The following WDR89 variants were observed in gnomAD, a reference collection of about 807,000 sequenced individuals.
The protein encoded by WDR89 is WD repeat domain 89.
In WDR89, 17 loss-of-function variants were observed where a neutral mutation model predicts 29.1. The ratio of observed to expected loss-of-function variants is 0.58; its 90% confidence interval spans 0.40 to 0.88. The LOEUF (loss-of-function observed/expected upper bound fraction) is 0.88. WDR89 is among the 40% of genes least tolerant of loss of function. The probability of loss-of-function intolerance (pLI) is 0.00; values close to 1 mark genes in which losing one functional copy is unlikely to be tolerated. For missense variants in WDR89, 396 were observed against 456.3 expected (o/e 0.87, Z 1.20); for synonymous variants, 138 against 157.8 (o/e 0.87, Z 0.94).
intron 1 of WDR89, among the ~76,000 whole-genome samples, chr14:63,636,014 C>T (rs904290393): frequency 6.6e-6 from 1 of 152,104 alleles, no homozygotes; most frequent in Non-Finnish European, 1.5e-5. Flanking sequence ...CGAGACCAGC[C>T]TGGCCAACAT....
intron 1 of WDR89, chr14:63,630,811 T>A (rs2139566281): frequency 6.7e-6 from 1 of 149,186 alleles, no homozygotes; most frequent in East Asian, 2.0e-4. Context: ...TTTTTTTTTG[T>A]GAGACACAGT....
rs1894928260 is a variant in WDR89, at chr14:63,599,208, A to T, written c.735T>A (p.Asp245Glu). Residue 245 changes from aspartate (D) to glutamate (E), a missense_variant, in exon 3 of 3, where the codon GAT becomes GAA. Physicochemically the swap from Asp to Glu is conservative, Grantham distance 45. Transcript: ENST00000620954. Reference protein sequence around the residue: ...MTHDEGFYWWDLNHLDTDEPV... With the variant: ...MTHDEGFYWWELNHLDTDEPV... ...GTTCATCAGTGTCCAGATGATTAAG[A>T]TCCCACCAATAAAATCCTTCATCAT... is the stretch of plus-strand genomic sequence containing the variant. 1.4e-5 allele frequency: 23 copies of T among 1,605,966 alleles called. No individual in the cohort carries two copies. Among genetic ancestry groups the T allele is most frequent in the Non-Finnish European group, 2.0e-5 (23 of 1,174,722 alleles).
intron 2 of WDR89, among the ~76,000 whole-genome samples, chr14:63,613,253 A>G (rs1046688743): frequency 3.3e-5 from 5 of 152,246 alleles, no homozygotes; most frequent in Non-Finnish European, 5.9e-5. Context: ...CAGATCTGAA[A>G]CATGTAGTTT....
chr14:63,630,904 T>C (rs1020302220), intron 1 of WDR89: 2 of 151,922 alleles, frequency 1.3e-5, no homozygotes, highest in Non-Finnish European at 2.9e-5. Flanking sequence ...GCCTCCTGAG[T>C]ACCTGGGACT....
chr14:63,618,827 G>C (rs187057810), intron 2 of WDR89, among the ~76,000 whole-genome samples: 1 of 152,148 alleles, frequency 6.6e-6, no homozygotes, highest in Non-Finnish European at 1.5e-5. Context: ...CGGAGAAAAG[G>C]GGTCTCATAA....
chr14:63,627,592 T>C (rs1883153394), intron 1 of WDR89, among the ~76,000 whole-genome samples: 1 of 152,182 alleles, frequency 6.6e-6, no homozygotes, highest in African/African-American at 2.4e-5. Flanking sequence ...CCTGAACCTT[T>C]ATCAACCATT....
At chr14:63,639,443 GAA>G (rs567624916) in intron 1 of WDR89, among the ~76,000 whole-genome samples, 2 of 132,806 alleles carry the variant, frequency 1.5e-5, no homozygotes, top group African/African-American at 2.8e-5. Flanking sequence ...TTCACCAAAG[GAA>G]AAAAAAAAAA....
intron 2 of WDR89, among the ~76,000 whole-genome samples, chr14:63,619,627 A>G (rs563248604): frequency 6.6e-6 from 1 of 152,296 alleles, no homozygotes; most frequent in Non-Finnish European, 1.5e-5. Context: ...AGCACCCCTC[A>G]AAACAGAAGA....
chr14:63,602,977 C>T (rs1421694925), intron 2 of WDR89, among the ~76,000 whole-genome samples: 1 of 151,874 alleles, frequency 6.6e-6, no homozygotes, highest in Non-Finnish European at 1.5e-5. Flanking sequence ...AGGATGGTCT[C>T]GACCTCCTGA....
At chr14:63,620,385 G>A (rs1023844083) in intron 2 of WDR89, among the ~76,000 whole-genome samples, 5 of 152,022 alleles carry the variant, frequency 3.3e-5, no homozygotes, top group African/African-American at 1.2e-4. Context: ...ATATACAAAC[G>A]TACATATCTA....
At position 63,638,197 on chromosome 14, in the gene WDR89, G is replaced by A. The variant is rs1343173285; in HGVS notation, c.-138+3607C>T. Among the ~76,000 whole-genome samples the A allele has an allele frequency of 3.3e-5, 5 of 152,056 alleles. No homozygotes were observed. The East Asian group carries it at 5.8e-4, about 18-fold the overall frequency. On this transcript the variant is annotated intron_variant, in intron 1 of 2. Coordinates refer to ENST00000620954, the MANE Select transcript of WDR89 (RefSeq NM_080666.4). The stretch of plus-strand genomic sequence containing the variant: ...TGACCTCAGGTAATCCACCCGCCTC[G>A]GCCTCCCAAAGTGCTGGGATTACAG...
intron 1 of WDR89, among the ~76,000 whole-genome samples, chr14:63,635,218 TAA>T (rs559487485): frequency 6.6e-4 from 100 of 152,226 alleles, no homozygotes; most frequent in African/African-American, 2.3e-3. Flanking sequence ...ACATAAATGC[TAA>T]GATCCTTAAC....
At chr14:63,604,423 T>C (rs746224050) in intron 2 of WDR89, among the ~76,000 whole-genome samples, 1 of 152,010 alleles carries the variant, frequency 6.6e-6, no homozygotes, top group African/African-American at 2.4e-5. Flanking sequence ...AAAAAAAAAC[T>C]GACACAAAAT....
intron 1 of WDR89, among the ~76,000 whole-genome samples, chr14:63,628,787 C>T (rs61984044): frequency 0.02 from 3,062 of 152,188 alleles, 46 homozygotes; most frequent in South Asian, 0.032. Context: ...ATGGTGAAAC[C>T]CTATCCCTAT....
chr14:63,621,557 G>T (rs913695570), intron 2 of WDR89, among the ~76,000 whole-genome samples: 1 of 151,772 alleles, frequency 6.6e-6, no homozygotes, highest in African/African-American at 2.4e-5. Flanking sequence ...GAGATCACAC[G>T]ATTGCACTGC....
rs1433349335 is a variant in WDR89 at position 63,600,676 on chromosome 14, C to T, written c.-31-703G>A. 3.9e-5 allele frequency among the ~76,000 whole-genome samples: 5 copies of T among 128,946 alleles called. 1 individual carries two copies. The South Asian group carries it at 1.0e-3, about 26-fold the overall frequency. 84.6% of individuals were successfully genotyped at this position (128,946 alleles called of 152,430 possible). A position where few individuals can be genotyped will look rare whatever the true frequency, so the allele number is the denominator to read the frequency against. On this transcript the variant is annotated intron_variant, in intron 2 of 2. Transcript: ENST00000620954. Reference sequence around the variant, plus strand: ...TGGAATAATCTTCTCCTGGCCCCAGCTGCCTTACACAACTTTAGAATTTAA... The same window carrying T: ...TGGAATAATCTTCTCCTGGCCCCAGTTGCCTTACACAACTTTAGAATTTAA...
At chr14:63,601,424 A>T (rs1895056727) in intron 2 of WDR89, 3 of 846,824 alleles carry the variant, frequency 3.5e-6, no homozygotes, top group Non-Finnish European at 5.7e-6. Flanking sequence ...GGACAAGTTC[A>T]AGGCCAGAAA....
In WDR89 at chr14:63,598,836, C is replaced by T; in HGVS notation, c.1107G>A (p.Val369=). The change falls in exon 3 of 3, where the codon GTG becomes GTA. Residue 369 remains valine (V), a synonymous_variant. Coordinates refer to ENST00000620954, the MANE Select transcript of WDR89 (RefSeq NM_080666.4). The stretch of plus-strand genomic sequence containing the variant: ...TACTATGAACTCGTACTCGTTGGTG[C>T]ACAGAGGATGCTATTTTCATACTCT... ...KKESMKIASS[V]HQRVRVHSND... 5 of 1,613,574 alleles carry T rather than the reference C, an allele frequency of 3.1e-6. No individual in the cohort carries two copies. Among genetic ancestry groups the T allele is most frequent in the Non-Finnish European group, 4.2e-6 (5 of 1,179,786 alleles).
At chr14:63,607,923 G>C (rs1036879529) in intron 2 of WDR89, among the ~76,000 whole-genome samples, 1 of 149,976 alleles carries the variant, frequency 6.7e-6, no homozygotes, top group African/African-American at 2.4e-5. Flanking sequence ...AGAAACCCCA[G>C]GCCGGGCGCA....
Sources: gnomAD v4.1 joint callset for allele counts (sites outside exome capture counted in the v4.1 genomes callset) on GRCh38, gnomAD v4.1.1 for gene constraint, MANE v1.5 for transcripts, NCBI Gene and HGNC (gene_info 2026-07-23, HGNC 2026-07-21) for gene names.